ASCC2: variants seen among roughly 807,000 people sequenced by gnomAD.
The protein encoded by ASCC2 is ASC-1 complex subunit P100.
Under a neutral mutation model 93.5 loss-of-function variants are expected in ASCC2, and 42 were observed. The observed-to-expected ratio is 0.45, with a 90% CI of 0.35 to 0.58. ASCC2 has a LOEUF of 0.58. ASCC2 is among the 20% of genes least tolerant of loss of function. ASCC2 has a pLI of 0.00. For missense variants in ASCC2, 859 were observed against 977.6 expected (o/e 0.88, Z 1.62); for synonymous variants, 364 against 384.2 (o/e 0.95, Z 0.62).
At chr22:29,814,504 CA>C (rs2060613356) in intron 7 of ASCC2, among the ~76,000 whole-genome samples, 152 bp downstream of exon 7, 1 of 152,208 alleles carries the variant, frequency 6.6e-6, no homozygotes, top group Non-Finnish European at 1.5e-5. Context: ...TGTGATGGGA[CA>C]TAATAGTTGC....
chr22:29,819,191 G>A (rs965325821), intron 5 of ASCC2, among the ~76,000 whole-genome samples: 1 of 151,890 alleles, frequency 6.6e-6, no homozygotes, highest in Non-Finnish European at 1.5e-5. Context: ...GCAGAGTTTC[G>A]CTCTTGTTGC....
intron 5 of ASCC2, among the ~76,000 whole-genome samples, chr22:29,818,488 C>G: frequency 9.4e-6 from 1 of 106,590 alleles, no homozygotes; most frequent in African/African-American, 3.4e-5. Context: ...AGTGAAGGGG[C>G]TCCTGAGGCC....
chr22:29,804,609 A>AG, intron 13 of ASCC2, 29 bp downstream of exon 13: 5 of 1,606,024 alleles, frequency 3.1e-6, no homozygotes, highest in Non-Finnish European at 4.3e-6. Context: ...GGACAAGCGA[A>AG]GAGGGAAAAG....
At chr22:29,789,244 G>C (rs572622935) in intron 19 of ASCC2, 60 bp from the exon 20 acceptor site, 25 of 1,598,966 alleles carry the variant, frequency 1.6e-5, no homozygotes, top group South Asian at 6.6e-5. Flanking sequence ...TCTGGCGGGA[G>C]AGCCCACAGC....
chr22:29,826,165 G>T (rs528927745), intron 2 of ASCC2: 1 of 162,700 alleles, frequency 6.1e-6, no homozygotes, highest in East Asian at 1.8e-4. Context: ...TTCACACACT[G>T]GTATTGATTT....
chr22:29,824,912 T>G (rs2062102992), intron 4 of ASCC2, among the ~76,000 whole-genome samples, 175 bp downstream of exon 4: 1 of 152,016 alleles, frequency 6.6e-6, no homozygotes, highest in African/African-American at 2.4e-5. Flanking sequence ...ACCAACCCAG[T>G]GAATTAGAGG....
chr22:29,807,458 C>T (rs939951195), intron 9 of ASCC2, among the ~76,000 whole-genome samples: 4 of 151,902 alleles, frequency 2.6e-5, no homozygotes, highest in Admixed American at 6.6e-5. Context: ...AGGCTGAGTA[C>T]CAAGAGCATG....
At chr22:29,807,052 C>T (rs2059753276) in intron 9 of ASCC2, 148 bp from the exon 10 acceptor site, 1 of 609,954 alleles carries the variant, frequency 1.6e-6, no homozygotes. Context: ...CCAGCCTGAG[C>T]AACTAAGTGA....
intron 9 of ASCC2, among the ~76,000 whole-genome samples, chr22:29,807,858 G>C (rs2059856614): frequency 1.3e-5 from 2 of 151,892 alleles, no homozygotes; most frequent in African/African-American, 2.4e-5. Flanking sequence ...GCAGTGAGCT[G>C]TGACTGCACC....
At chr22:29,806,340 A>C (rs1397021167) in intron 11 of ASCC2, 50 bp from the exon 12 acceptor site, 5 of 1,596,788 alleles carry the variant, frequency 3.1e-6, no homozygotes, top group Non-Finnish European at 4.3e-6. Context: ...GGCCACAGGA[A>C]TGCTGTGCTG....
chr22:29,821,573 T>C (rs1454479045), intron 5 of ASCC2, among the ~76,000 whole-genome samples: 1 of 152,250 alleles, frequency 6.6e-6, no homozygotes, highest in Non-Finnish European at 1.5e-5. Context: ...GTGGAGTGCT[T>C]GGCAGAATGC....
chr22:29,789,240 G>T, intron 19 of ASCC2, 56 bp from the exon 20 acceptor site: 1 of 1,603,532 alleles, frequency 6.2e-7, no homozygotes, highest in South Asian at 1.1e-5. Context: ...AGGCTCTGGC[G>T]GGAGAGCCCA....
chr22:29,831,459 G>A (rs191241455), intron 2 of ASCC2, among the ~76,000 whole-genome samples: 1 of 152,180 alleles, frequency 6.6e-6, no homozygotes, highest in South Asian at 2.1e-4. Context: ...CTGGCACAGG[G>A]CAAGTACTGT....
At chr22:29,813,582 C>T in intron 7 of ASCC2, 40 bp from the exon 8 acceptor site, 1 of 1,343,192 alleles carries the variant, frequency 7.4e-7, no homozygotes, top group Non-Finnish European at 1.1e-6. Context: ...CTCCTCTGTC[C>T]ACACATACAG....
chr22:29,797,584 C>T (rs1182147356), intron 15 of ASCC2, among the ~76,000 whole-genome samples: 1 of 152,172 alleles, frequency 6.6e-6, no homozygotes, highest in African/African-American at 2.4e-5. Flanking sequence ...AGTTCCTTCT[C>T]TTGGCACCCA....
intron 2 of ASCC2, among the ~76,000 whole-genome samples, chr22:29,826,593 G>A (rs1040377803): frequency 1.2e-4 from 19 of 152,034 alleles, no homozygotes; most frequent in Non-Finnish European, 1.5e-5. Context: ...TTACAGGTTT[G>A]AGCCACCTCT....
Position 29,801,005 on chromosome 22 carries a change from C to T in ASCC2, c.1674G>A (p.Val558=), listed in dbSNP as rs780325054. 23 of 1,596,370 alleles carry T rather than the reference C, an allele frequency of 1.4e-5. No homozygotes were observed. Among genetic ancestry groups the T allele is most frequent in the East Asian group, 4.5e-5 (2 of 44,268 alleles). The part of the protein sequence containing the change: ...FSRDSVDLSR[V]HKGKSTRKEE... ...ACTGCACTCACCTCTTGCCCTTGTG[C>T]ACCCGGCTCAGGTCTACTGAGTCCC... The change falls in exon 15 of 20, where the codon GTG becomes GTA. Residue 558 remains valine (V), a synonymous_variant. Transcript: ENST00000307790.
intron 15 of ASCC2, among the ~76,000 whole-genome samples, chr22:29,800,412 G>A (rs1055793060): frequency 6.6e-6 from 1 of 152,162 alleles, no homozygotes; most frequent in South Asian, 2.1e-4. Context: ...GGCCGTGTCT[G>A]TTTCACTCCC....
chr22:29,807,227 C>A (rs1237234671), intron 9 of ASCC2, among the ~76,000 whole-genome samples: 1 of 126,472 alleles, frequency 7.9e-6, no homozygotes, highest in Admixed American at 8.5e-5. Context: ...CAGAGCAAGA[C>A]CCTGTCTCAA....
Sources: gnomAD v4.1 joint callset for allele counts (sites outside exome capture counted in the v4.1 genomes callset) on GRCh38, gnomAD v4.1.1 for gene constraint, MANE v1.5 for transcripts, NCBI Gene and HGNC (gene_info 2026-07-23, HGNC 2026-07-21) for gene names.